The following STARD13 variants were observed in gnomAD, a reference collection of about 807,000 sequenced individuals.
STARD13 encodes the protein stAR-related lipid transfer protein 13.
Under a neutral mutation model 106.4 loss-of-function variants are expected in STARD13, and 62 were observed. The observed-to-expected ratio is 0.58, with a 90% CI of 0.48 to 0.72. STARD13 has a LOEUF of 0.72. Among genes scored for constraint, STARD13 ranks in the 30% least tolerant of loss-of-function variants. The pLI is 0.00. For missense variants in STARD13, 1,387 were observed against 1,424.0 expected (o/e 0.97, Z 0.42); for synonymous variants, 565 against 553.0 (o/e 1.02, Z -0.31).
chr13:33,633,224 G>A, the STARD13 span, among the ~76,000 whole-genome samples: 1 of 152,156 alleles, frequency 6.6e-6, no homozygotes, highest in Non-Finnish European at 1.5e-5. Context: ...GCTGCCTAGT[G>A]CTAAGGAAAG....
At chr13:33,415,233 T>C in the STARD13 span, among the ~76,000 whole-genome samples, 2 of 152,068 alleles carry the variant, frequency 1.3e-5, no homozygotes, top group Non-Finnish European at 2.9e-5. Flanking sequence ...CCGGGCGTGG[T>C]GGCGGGCGCC....
intron 1 of STARD13, among the ~76,000 whole-genome samples, chr13:33,274,602 T>C (rs1038111100): frequency 1.3e-5 from 2 of 152,160 alleles, no homozygotes; most frequent in South Asian, 2.1e-4. Context: ...TTTGGGCAAA[T>C]TGGCTTTCCA....
At chr13:33,365,146 G>C in the STARD13 span, among the ~76,000 whole-genome samples, 1 of 152,098 alleles carries the variant, frequency 6.6e-6, no homozygotes, top group South Asian at 2.1e-4. Context: ...TGAGCCTCAA[G>C]CAGTAAAGGT....
At chr13:33,392,448 G>A in the STARD13 span, among the ~76,000 whole-genome samples, 3 of 152,112 alleles carry the variant, frequency 2.0e-5, no homozygotes, top group South Asian at 6.2e-4. Flanking sequence ...CGCCCAGGCT[G>A]GAGTGCAGTG....
the STARD13 span, among the ~76,000 whole-genome samples, chr13:33,510,591 A>G: frequency 6.6e-6 from 1 of 152,154 alleles, no homozygotes; most frequent in Non-Finnish European, 1.5e-5. Flanking sequence ...GACCAAAGCC[A>G]GGACAATAAA....
At chr13:33,563,957 C>T in the STARD13 span, among the ~76,000 whole-genome samples, 2 of 146,950 alleles carry the variant, frequency 1.4e-5, no homozygotes, top group Admixed American at 7.0e-5. Flanking sequence ...TTTGGGAGGC[C>T]GAGGCAGGCA....
At chr13:33,613,571 C>T in the STARD13 span, among the ~76,000 whole-genome samples, 2 of 152,174 alleles carry the variant, frequency 1.3e-5, no homozygotes, top group Non-Finnish European at 2.9e-5. Flanking sequence ...GCCAAGCACC[C>T]AGAAAGGAGA....
chr13:33,338,431 G>A (rs1481040381), intron 1 of STARD13, among the ~76,000 whole-genome samples: 1 of 152,124 alleles, frequency 6.6e-6, no homozygotes, highest in African/African-American at 2.4e-5. Flanking sequence ...TAGCTCTACA[G>A]CTGATGGTGA....
At chr13:33,171,754 C>G (rs1883990143) in intron 1 of STARD13, among the ~76,000 whole-genome samples, 1 of 152,240 alleles carries the variant, frequency 6.6e-6, no homozygotes, top group Admixed American at 6.5e-5. Flanking sequence ...AACATTTTCA[C>G]TGTTTTACTC....
At chr13:33,166,787 G>C (rs1032577367) in intron 2 of STARD13, among the ~76,000 whole-genome samples, 8 of 152,058 alleles carry the variant, frequency 5.3e-5, no homozygotes, top group Non-Finnish European at 1.0e-4. Flanking sequence ...TTGAGGTCAG[G>C]AGTTCGAGAC....
At chr13:33,351,586 T>C (rs1285099116), upstream of STARD13, among the ~76,000 whole-genome samples, 1 of 152,216 alleles carries the variant, frequency 6.6e-6, no homozygotes, top group African/African-American at 2.4e-5. Flanking sequence ...AAAGTAACTG[T>C]GACAACATTT....
chr13:33,189,430 CTTTCGG>C (rs1298030474), intron 1 of STARD13, among the ~76,000 whole-genome samples: 34 of 13,696 alleles, frequency 2.5e-3, no homozygotes, highest in Admixed American at 0.011. Context: ...CTCCTTCCTC[CTTTCGG>C]AGGAAGGAGG....
intron 1 of STARD13, among the ~76,000 whole-genome samples, chr13:33,261,704 C>T (rs759506615): frequency 8.5e-5 from 13 of 152,168 alleles, no homozygotes; most frequent in Middle Eastern, 3.4e-3. Context: ...GCTCATAATA[C>T]GCAATTCAGC....
the STARD13 span, among the ~76,000 whole-genome samples, chr13:33,402,791 G>A: frequency 1.3e-4 from 20 of 152,238 alleles, no homozygotes; most frequent in African/African-American, 1.9e-4. Context: ...GGGGGTGGCC[G>A]GAGGGCAGTT....
At chr13:33,598,220 C>A in the STARD13 span, among the ~76,000 whole-genome samples, 2 of 152,152 alleles carry the variant, frequency 1.3e-5, no homozygotes, top group Admixed American at 6.5e-5. Flanking sequence ...TGGCTCCCTT[C>A]GAACTTAGTA....
At chr13:33,273,120 C>A (rs1891242712) in intron 1 of STARD13, among the ~76,000 whole-genome samples, 1 of 152,168 alleles carries the variant, frequency 6.6e-6, no homozygotes, top group Non-Finnish European at 1.5e-5. Context: ...AAAATGAAAT[C>A]AGAAACATGT....
intron 1 of STARD13, chr13:33,186,071 A>T (rs1885742987): frequency 1.2e-6 from 2 of 1,606,182 alleles, no homozygotes; most frequent in Non-Finnish European, 1.7e-6. Flanking sequence ...GTCCTCTCTC[A>T]TGTTTCCGGT....
chr13:33,201,121 T>C (rs996902157), intron 1 of STARD13, among the ~76,000 whole-genome samples: 3 of 151,906 alleles, frequency 2.0e-5, no homozygotes, highest in Non-Finnish European at 4.4e-5. Flanking sequence ...AAAGAAGCAA[T>C]GTGCTTCTCT....
At chr13:33,144,438 C>T (rs1880252307) in intron 3 of STARD13, among the ~76,000 whole-genome samples, 1 of 152,218 alleles carries the variant, frequency 6.6e-6, no homozygotes. Context: ...CAGGCATCAG[C>T]CTCCTAATTG....
Sources: gnomAD v4.1 joint callset for allele counts (sites outside exome capture counted in the v4.1 genomes callset) on GRCh38, gnomAD v4.1.1 for gene constraint, MANE v1.5 for transcripts, NCBI Gene and HGNC (gene_info 2026-07-23, HGNC 2026-07-21) for gene names.